PRKG2: variants seen among roughly 807,000 people sequenced by gnomAD.
PRKG2 encodes protein kinase cGMP-dependent 2.
A neutral mutation model predicts 97.2 loss-of-function variants in PRKG2; 33 were observed. The ratio of observed to expected loss-of-function variants is 0.34; its 90% CI spans 0.26 to 0.45. The LOEUF (loss-of-function observed/expected upper bound fraction) is 0.45. Ranked by LOEUF, PRKG2 falls within the 20% of genes least tolerant of loss-of-function variation. The pLI is 1.00. For synonymous variants in PRKG2, 330 were observed against 321.8 expected (o/e 1.03, Z -0.27); for missense variants, 638 against 900.0 (o/e 0.71, Z 3.73).
intron 8 of PRKG2, among the ~76,000 whole-genome samples, chr4:81,149,722 C>A (rs1185960437): frequency 6.6e-6 from 1 of 152,098 alleles, no homozygotes; most frequent in Non-Finnish European, 1.5e-5. Flanking sequence ...GACACACACA[C>A]AAAAGGTACA....
chr4:81,157,448 A>G (rs1310853263), intron 6 of PRKG2, among the ~76,000 whole-genome samples: 1 of 152,236 alleles, frequency 6.6e-6, no homozygotes, highest in Non-Finnish European at 1.5e-5. Flanking sequence ...ACAGCTTACC[A>G]ACAAAAAAGA....
At chr4:81,212,238 C>A (rs911700462) in intron 1 of PRKG2, among the ~76,000 whole-genome samples, 1 of 152,082 alleles carries the variant, frequency 6.6e-6, no homozygotes, top group Non-Finnish European at 1.5e-5. Flanking sequence ...CCTTGTTGTA[C>A]CAAAGTTGCA....
chr4:81,117,281 C>T (rs780609528), intron 14 of PRKG2, among the ~76,000 whole-genome samples: 4 of 152,052 alleles, frequency 2.6e-5, no homozygotes, highest in Admixed American at 2.0e-4. Context: ...GGCACTGTGC[C>T]TGGCCTCTTG....
chr4:81,115,159 C>T (rs1017910363), intron 14 of PRKG2, among the ~76,000 whole-genome samples: 50 of 152,168 alleles, frequency 3.3e-4, no homozygotes, highest in African/African-American at 9.9e-4. Context: ...GTCAAAGACA[C>T]GGTTTCTCCA....
chr4:81,131,476 T>C (rs184094011), intron 14 of PRKG2, among the ~76,000 whole-genome samples: 138 of 152,334 alleles, frequency 9.1e-4, no homozygotes, highest in Non-Finnish European at 1.5e-3. Context: ...AAAAAATTGA[T>C]TTGTCTTTTT....
chr4:81,155,177 C>CAAAAA (rs57874087), intron 6 of PRKG2, among the ~76,000 whole-genome samples: 2 of 74,410 alleles, frequency 2.7e-5, no homozygotes, highest in African/African-American at 1.9e-4. Flanking sequence ...GACTCCGTCT[C>CAAAAA]AAAAAAAAAA....
intron 9 of PRKG2, among the ~76,000 whole-genome samples, chr4:81,145,729 C>T (rs894728245): frequency 6.6e-6 from 1 of 152,180 alleles, no homozygotes; most frequent in Non-Finnish European, 1.5e-5. Flanking sequence ...TATTAGGGTA[C>T]TTCTTTTCCC....
chr4:81,112,915 C>T (rs1298419086), intron 14 of PRKG2, among the ~76,000 whole-genome samples: 2 of 152,162 alleles, frequency 1.3e-5, no homozygotes, highest in African/African-American at 2.4e-5. Context: ...TAATAAATAA[C>T]TCAATGAATA....
intron 17 of PRKG2, among the ~76,000 whole-genome samples, chr4:81,102,488 T>C (rs1051658323): frequency 6.6e-6 from 1 of 152,148 alleles, no homozygotes; most frequent in African/African-American, 2.4e-5. Context: ...GAAAAGAAAT[T>C]GTGATAACAG....
At position 81,203,805 on chromosome 4, in the gene PRKG2, T is replaced by C. The variant is rs919137856; in HGVS notation, c.461+782A>G. ...TTTTAAAAACTCAAATTTTTAAAAGTAATTCTAGCTTTTAATTGTTCCCTC... is the reference window on the plus strand; with the variant it reads ...TTTTAAAAACTCAAATTTTTAAAAGCAATTCTAGCTTTTAATTGTTCCCTC... On this transcript the variant is annotated intron_variant, in intron 2 of 18. Transcript: ENST00000264399. 8.5e-5 allele frequency among the ~76,000 whole-genome samples: 13 copies of C among 152,194 alleles called. No homozygotes were observed. The East Asian group carries it at 1.7e-3, about 20-fold the overall frequency.
chr4:81,207,350 G>A (rs1259504797), intron 1 of PRKG2, among the ~76,000 whole-genome samples: 1 of 152,048 alleles, frequency 6.6e-6, no homozygotes. Context: ...AGGAGGAAAA[G>A]GATTTGCCTT....
chr4:81,217,031 G>GTATATA (rs35897460), upstream of PRKG2, among the ~76,000 whole-genome samples: 2,763 of 115,038 alleles, frequency 0.024, 107 homozygotes, highest in African/African-American at 0.054. Flanking sequence ...TATATATTTT[G>GTATATA]TATATATATA....
intron 17 of PRKG2, among the ~76,000 whole-genome samples, chr4:81,094,919 T>G (rs953092148): frequency 6.6e-6 from 1 of 152,172 alleles, no homozygotes; most frequent in African/African-American, 2.4e-5. Context: ...CACCAGCTAC[T>G]TTTCAAAAGA....
Position 81,113,370 on chromosome 4 carries a change from C to CCT in PRKG2, c.1777-2760_1777-2759insAG, listed in dbSNP as rs565485187. Among the ~76,000 whole-genome samples, 212 of 151,210 alleles carry CCT rather than the reference C, an allele frequency of 1.4e-3. 1 individual carries two copies. Among genetic ancestry groups the CCT allele is most frequent in the African/African-American group, 5.0e-3 (204 of 41,126 alleles). ...TGAGGTTTCAAGAAGAGCACCCCCC[C>CCT]TTTTTTTTCAAATTCTACTAGCAAA... On this transcript the variant is annotated intron_variant, in intron 14 of 18. Coordinates refer to ENST00000264399, the MANE Select transcript of PRKG2 (RefSeq NM_006259.3).
chr4:81,187,922 G>C (rs2110106609), intron 2 of PRKG2, among the ~76,000 whole-genome samples: 1 of 152,096 alleles, frequency 6.6e-6, no homozygotes, highest in East Asian at 1.9e-4. Flanking sequence ...AAAAACCCTA[G>C]AAGAAAACCT....
At chr4:81,199,570 G>A (rs1753174498) in intron 2 of PRKG2, among the ~76,000 whole-genome samples, 1 of 152,130 alleles carries the variant, frequency 6.6e-6, no homozygotes, top group Admixed American at 6.5e-5. Context: ...TAAAATGGGA[G>A]TGATTAATAA....
In PRKG2 at chr4:81,215,186, C is replaced by G. The variant is rs1010496761; in HGVS notation, c.-264G>C. 1.3e-5 allele frequency: 2 copies of G among 152,296 alleles called. No individual in the cohort carries two copies. The highest frequency in any genetic ancestry group is 2.9e-5 in the Non-Finnish European group (2 of 68,146). 9.4% of individuals were successfully genotyped at this position (152,296 alleles called of 1,614,324 possible). A position where few individuals can be genotyped will look rare whatever the true frequency, so the allele number is the denominator to read the frequency against. On this transcript the variant is annotated 5_prime_UTR_variant, in exon 1 of 19. Coordinates refer to ENST00000264399, the MANE Select transcript of PRKG2 (RefSeq NM_006259.3). ...ATGCGGGCAGGAGCTGCGGCGGCGT[C>G]GGTGCTGCCGCCTGGCTCCGCGGCG...
chr4:81,113,843 A>G (rs762374960), intron 14 of PRKG2, among the ~76,000 whole-genome samples: 1 of 152,174 alleles, frequency 6.6e-6, no homozygotes, highest in African/African-American at 2.4e-5. Flanking sequence ...GTCCACCAAC[A>G]ACCAAAGTTG....
chr4:81,153,778 T>G, intron 6 of PRKG2, 57 bp from the exon 7 acceptor site: 1 of 1,238,612 alleles, frequency 8.1e-7, no homozygotes, highest in Non-Finnish European at 1.2e-6. Flanking sequence ...GATGGCCTAA[T>G]AGGAACAGCT....
Sources: allele counts gnomAD v4.1 joint callset (sites outside exome capture counted in the v4.1 genomes callset), GRCh38; gene constraint gnomAD v4.1.1; transcripts MANE v1.5; gene names NCBI Gene and HGNC (gene_info 2026-07-23, HGNC 2026-07-21).